Variants in SGK3 observed in about 807,000 individuals in gnomAD.
SGK3 encodes serum/glucocorticoid regulated kinase family member 3, also known as serine/threonine-protein kinase Sgk3.
A neutral mutation model predicts 68.5 loss-of-function variants in SGK3; 47 were observed. The ratio of observed to expected loss-of-function variants is 0.69; its 90% confidence interval spans 0.54 to 0.87. SGK3 has a LOEUF of 0.87. SGK3 is among the 40% of genes least tolerant of loss of function. The pLI is 0.00. For missense variants in SGK3, 479 were observed against 575.5 expected (o/e 0.83, Z 1.72); for synonymous variants, 181 against 189.1 (o/e 0.96, Z 0.35).
At chr8:66,827,606 A>G (rs1809118179) in intron 6 of SGK3, among the ~76,000 whole-genome samples, 1 of 152,138 alleles carries the variant, frequency 6.6e-6, no homozygotes, top group Non-Finnish European at 1.5e-5. Flanking sequence ...TGGCTTTTAT[A>G]AAAAATGATC....
In SGK3 at chr8:66,797,447, G is replaced by A. The variant is rs577893871; in HGVS notation, c.97-1095G>A. ...TCTTACACATAATAGCTTCCTCTGA[G>A]ACAACCAGATTCCTTCTCGGTTAAG... On this transcript the variant is annotated intron_variant, in intron 2 of 16. Transcript: ENST00000521198. Among the ~76,000 whole-genome samples, 11 of 152,232 alleles carry A rather than the reference G, an allele frequency of 7.2e-5. No homozygotes were observed. The South Asian group carries it at 2.3e-3, about 32-fold the overall frequency.
At chr8:66,837,305 A>C (rs1809577851) in intron 10 of SGK3, among the ~76,000 whole-genome samples, 1 of 152,202 alleles carries the variant, frequency 6.6e-6, no homozygotes, top group Admixed American at 6.5e-5. Context: ...TTACAAAGGG[A>C]TCTTTCATTC....
At chr8:66,730,951 T>G (rs910238391) in intron 1 of SGK3, among the ~76,000 whole-genome samples, 1 of 152,086 alleles carries the variant, frequency 6.6e-6, no homozygotes, top group Non-Finnish European at 1.5e-5. Flanking sequence ...TCTCCCAAAG[T>G]GCTGGGGTTA....
Position 66,758,922 on chromosome 8 carries a change from A to G in SGK3, c.-121-34694A>G, listed in dbSNP as rs1806067647. On this transcript the variant is annotated intron_variant, in intron 1 of 16. Transcript: ENST00000521198. ...TAACAGATTTACACCAGCTTAAAGC[A>G]ACAAAAATTTATTCTGTTACAGTTC... 1.3e-5 allele frequency among the ~76,000 whole-genome samples: 2 copies of G among 152,202 alleles called. 1 individual carries two copies. Among genetic ancestry groups the G allele is most frequent in the South Asian group, 4.1e-4 (2 of 4,832 alleles).
chr8:66,846,019 TA>T (rs1379176490), intron 14 of SGK3, among the ~76,000 whole-genome samples: 1 of 152,096 alleles, frequency 6.6e-6, no homozygotes, highest in Non-Finnish European at 1.5e-5. Context: ...AACTAATATT[TA>T]AAAGGTAAAA....
intron 8 of SGK3, among the ~76,000 whole-genome samples, chr8:66,832,056 A>G (rs1319686274): frequency 6.6e-6 from 1 of 152,196 alleles, no homozygotes; most frequent in Non-Finnish European, 1.5e-5. Flanking sequence ...GAAGATTCCC[A>G]CTTACATAGC....
At chr8:66,858,845 G>A (rs1333970326) in intron 16 of SGK3, among the ~76,000 whole-genome samples, 2 of 152,044 alleles carry the variant, frequency 1.3e-5, no homozygotes, top group Non-Finnish European at 2.9e-5. Flanking sequence ...TGTGGTCCAA[G>A]ACCATTCTTC....
intron 8 of SGK3, among the ~76,000 whole-genome samples, chr8:66,832,668 C>T (rs1809348255): frequency 6.6e-6 from 1 of 151,776 alleles, no homozygotes; most frequent in Non-Finnish European, 1.5e-5. Flanking sequence ...TACTTGGGAG[C>T]CTGAGGCAGG....
chr8:66,811,015 A>C (rs1452803256), intron 4 of SGK3, among the ~76,000 whole-genome samples: 1 of 152,068 alleles, frequency 6.6e-6, no homozygotes, highest in African/African-American at 2.4e-5. Context: ...CCATACTTTT[A>C]ACTTTATTTA....
At chr8:66,713,737 C>A (rs537675604) in intron 1 of SGK3, among the ~76,000 whole-genome samples, 1 of 152,268 alleles carries the variant, frequency 6.6e-6, no homozygotes, top group Admixed American at 6.5e-5. Flanking sequence ...AATATTAAAT[C>A]AAATTCTTAA....
At chr8:66,736,414 A>G (rs954146720) in intron 1 of SGK3, among the ~76,000 whole-genome samples, 1 of 152,074 alleles carries the variant, frequency 6.6e-6, no homozygotes, top group Non-Finnish European at 1.5e-5. Flanking sequence ...ATACTGTTTT[A>G]TTTTTGTAAC....
intron 1 of SGK3, among the ~76,000 whole-genome samples, chr8:66,716,327 G>A (rs539991746): frequency 6.6e-6 from 1 of 152,244 alleles, no homozygotes; most frequent in South Asian, 2.1e-4. Context: ...AAGACAATGT[G>A]GAAATCAGAT....
rs374554959 is a variant in SGK3, at chr8:66,785,529, C to T, written c.-121-8087C>T. On this transcript the variant is annotated intron_variant, in intron 1 of 16. Coordinates refer to ENST00000521198, the MANE Select transcript of SGK3 (RefSeq NM_001033578.3). Reference sequence around the variant, plus strand: ...GGCAGTCCTGTGCATATTGTAGATGCTTAACATCATCCCTGACGACCACCG... The same window carrying T: ...GGCAGTCCTGTGCATATTGTAGATGTTTAACATCATCCCTGACGACCACCG... Among the ~76,000 whole-genome samples, 80 of 152,256 alleles carry T rather than the reference C, an allele frequency of 5.3e-4. 1 individual carries two copies. In the Middle Eastern group the frequency reaches 0.01, roughly 19 times the overall value.
intron 13 of SGK3, among the ~76,000 whole-genome samples, chr8:66,842,898 C>T (rs926602756): frequency 6.6e-5 from 10 of 152,040 alleles, no homozygotes; most frequent in South Asian, 2.1e-4. Context: ...GCTAAACCCC[C>T]GTCTCTATGA....
At chr8:66,770,766 C>T (rs1318870346) in intron 1 of SGK3, among the ~76,000 whole-genome samples, 2 of 152,160 alleles carry the variant, frequency 1.3e-5, no homozygotes, top group African/African-American at 4.8e-5. Flanking sequence ...CAGGGAGAAC[C>T]TTCTGCAGGT....
At chr8:66,722,547 C>T (rs1434382417) in intron 1 of SGK3, among the ~76,000 whole-genome samples, 2 of 152,250 alleles carry the variant, frequency 1.3e-5, no homozygotes, top group East Asian at 1.9e-4. Context: ...GCTGGGATTA[C>T]AGGCGTGAGC....
chr8:66,741,362 C>G (rs1325242719), intron 1 of SGK3, among the ~76,000 whole-genome samples: 1 of 151,964 alleles, frequency 6.6e-6, no homozygotes, highest in African/African-American at 2.4e-5. Context: ...CCAGCCTGAC[C>G]AACATAGTGA....
intron 6 of SGK3, among the ~76,000 whole-genome samples, chr8:66,825,539 C>G (rs1251625124): frequency 2.6e-5 from 4 of 151,988 alleles, no homozygotes; most frequent in African/African-American, 9.7e-5. Context: ...CTGTATTAAC[C>G]AGGATGGTCT....
At chr8:66,776,801 T>G (rs925890090) in intron 1 of SGK3, among the ~76,000 whole-genome samples, 5 of 152,240 alleles carry the variant, frequency 3.3e-5, no homozygotes, top group Admixed American at 1.3e-4. Flanking sequence ...AAATCACAAG[T>G]CTCAAAGTTG....
Sources: gnomAD v4.1 joint callset for allele counts (sites outside exome capture counted in the v4.1 genomes callset) on GRCh38, gnomAD v4.1.1 for gene constraint, MANE v1.5 for transcripts, NCBI Gene and HGNC (gene_info 2026-07-23, HGNC 2026-07-21) for gene names.